The following ABCA13 variants were observed in gnomAD, a reference collection of about 807,000 sequenced individuals.
The protein encoded by ABCA13 is ATP binding cassette subfamily A member 13.
Under a neutral mutation model 478.7 loss-of-function variants are expected in ABCA13, and 476 were observed. That is an observed-to-expected ratio of 0.99 (90% CI 0.92 to 1.07). The LOEUF (loss-of-function observed/expected upper bound fraction) is 1.07. ABCA13 is among the 50% of genes least tolerant of loss of function. The pLI is 0.00. For missense variants in ABCA13, 6,060 were observed against 5,910.6 expected (o/e 1.03, Z -0.83); for synonymous variants, 2,252 against 2,158.9 (o/e 1.04, Z -1.20).
intron 24 of ABCA13, among the ~76,000 whole-genome samples, chr7:48,311,360 A>G (rs1311318826): frequency 6.6e-6 from 1 of 152,142 alleles, no homozygotes; most frequent in Non-Finnish European, 1.5e-5. Flanking sequence ...TTGCATCCCC[A>G]TAATTTGCAA....
chr7:48,570,225 C>A (rs1787478981), intron 55 of ABCA13, among the ~76,000 whole-genome samples: 1 of 149,716 alleles, frequency 6.7e-6, no homozygotes, highest in African/African-American at 2.5e-5. Context: ...TTTTTAGTAA[C>A]AATATTTTCT....
intron 31 of ABCA13, among the ~76,000 whole-genome samples, chr7:48,354,221 T>A (rs1198527596): frequency 6.6e-6 from 1 of 152,048 alleles, no homozygotes; most frequent in African/African-American, 2.4e-5. Context: ...AAGTATGCTA[T>A]GATCTCCACC....
At chr7:48,395,861 A>G (rs866674792) in intron 38 of ABCA13, among the ~76,000 whole-genome samples, 2 of 152,336 alleles carry the variant, frequency 1.3e-5, no homozygotes, top group Non-Finnish European at 2.9e-5. Context: ...TTAGTAGGTA[A>G]GCTTTTGGGG....
chr7:48,424,865 A>G (rs1178578599), intron 41 of ABCA13, among the ~76,000 whole-genome samples: 1 of 152,240 alleles, frequency 6.6e-6, no homozygotes, highest in Non-Finnish European at 1.5e-5. Flanking sequence ...TTTTGAAAAG[A>G]GTAACCTTTA....
Position 48,615,347 on chromosome 7 carries a change from G to T in ABCA13, c.14807G>T (p.Cys4936Phe). The part of the protein sequence containing the change: ...LAIMVNGSFK[C>F]LGSPQHIKNR... ...ATAATGGTTAACGGCAGCTTCAAAT[G>T]TCTTGGTTCTCCTCAGCACATCAAA... Residue 4936 changes from cysteine to phenylalanine, a missense_variant, in exon 59 of 62, where the codon TGT becomes TTT. Transcript: ENST00000435803. 1 of 1,576,308 alleles carries T rather than the reference G, an allele frequency of 6.3e-7. No homozygotes were observed. The highest frequency in any genetic ancestry group is 2.3e-5 in the East Asian group (1 of 43,352).
At chr7:48,183,019 T>C (rs544184156) in intron 1 of ABCA13, among the ~76,000 whole-genome samples, 5 of 152,260 alleles carry the variant, frequency 3.3e-5, no homozygotes, top group Non-Finnish European at 7.4e-5. Flanking sequence ...AGAGACACAA[T>C]AGAATTTCAT....
At chr7:48,440,762 T>A (rs1765814862) in intron 42 of ABCA13, among the ~76,000 whole-genome samples, 1 of 151,914 alleles carries the variant, frequency 6.6e-6, no homozygotes, top group Admixed American at 6.6e-5. Flanking sequence ...ATACATCTGT[T>A]TTAGAAACGA....
rs1442254059 is a variant in ABCA13 at position 48,234,312 on chromosome 7, C to G, written c.897+161C>G. On this transcript the variant is annotated intron_variant, in intron 8 of 61. Transcript: ENST00000435803. ...CTTACGCAGAAGAGACCCCTACTGT[C>G]TCCAGCTTTTCTAGAAGTGTCTCTT... The G allele has an allele frequency of 1.3e-4, 112 of 858,244 alleles. 1 individual carries two copies. The highest frequency in any genetic ancestry group is 9.6e-6 in the Non-Finnish European group (5 of 520,022). The allele number at this position is 858,244 out of a possible 1,614,324, so 53.2% of individuals were successfully genotyped here.
chr7:48,282,057 A>T (rs746536912), intron 19 of ABCA13, among the ~76,000 whole-genome samples: 1 of 152,180 alleles, frequency 6.6e-6, no homozygotes, highest in Non-Finnish European at 1.5e-5. Flanking sequence ...TGGGAACAGG[A>T]TCAGTCTCTT....
intron 1 of ABCA13, among the ~76,000 whole-genome samples, chr7:48,190,789 A>C (rs1434005903): frequency 1.3e-5 from 2 of 152,214 alleles, no homozygotes; most frequent in East Asian, 1.9e-4. Flanking sequence ...TTAGTTATAC[A>C]TATACATGTA....
intron 19 of ABCA13, among the ~76,000 whole-genome samples, chr7:48,287,275 C>A (rs937155902): frequency 6.6e-6 from 1 of 152,196 alleles, no homozygotes; most frequent in African/African-American, 2.4e-5. Context: ...GGAGCCTTTG[C>A]ACAGATTCCT....
intron 35 of ABCA13, among the ~76,000 whole-genome samples, chr7:48,385,137 A>ATTTAT (rs1814980967): frequency 6.6e-6 from 1 of 152,130 alleles, no homozygotes; most frequent in Admixed American, 6.5e-5. Flanking sequence ...CACTTTATGT[A>ATTTAT]TTTATTTTTT....
intron 37 of ABCA13, among the ~76,000 whole-genome samples, chr7:48,391,322 A>G (rs1400224632): frequency 1.3e-5 from 2 of 152,264 alleles, no homozygotes; most frequent in East Asian, 1.9e-4. Flanking sequence ...CCATACAACT[A>G]TAATGCTCTA....
At chr7:48,315,495 T>C (rs576229915) in intron 26 of ABCA13, among the ~76,000 whole-genome samples, 36 of 152,204 alleles carry the variant, frequency 2.4e-4, no homozygotes, top group African/African-American at 8.7e-4. Flanking sequence ...TTTTTTTTTT[T>C]TTGAGACGGA....
rs2128994087 is a variant in ABCA13, at chr7:48,356,341, T to G, written c.10688+3854T>G. Reference sequence around the variant, plus strand: ...GAGAGTGAACTCAGACAGCTCTCAATGGGAAGAAATGGGAGGTGACTTCTT... The same window carrying G: ...GAGAGTGAACTCAGACAGCTCTCAAGGGGAAGAAATGGGAGGTGACTTCTT... On this transcript the variant is annotated intron_variant, in intron 31 of 61. Coordinates refer to ENST00000435803, the MANE Select transcript of ABCA13 (RefSeq NM_152701.5). 2.6e-5 allele frequency among the ~76,000 whole-genome samples: 4 copies of G among 151,256 alleles called. No individual in the cohort carries two copies. The Middle Eastern group carries it at 0.014, about 522-fold the overall frequency.
intron 5 of ABCA13, among the ~76,000 whole-genome samples, chr7:48,223,357 A>G (rs549196006): frequency 7.9e-5 from 12 of 152,282 alleles, no homozygotes; most frequent in East Asian, 3.9e-4. Context: ...TGAGACTTCA[A>G]GGTCATCAAG....
At chr7:48,377,144 T>C (rs1454923131) in intron 35 of ABCA13, among the ~76,000 whole-genome samples, 1 of 146,990 alleles carries the variant, frequency 6.8e-6, no homozygotes, top group Non-Finnish European at 1.5e-5. Context: ...CCTTCTTCCC[T>C]GGTGTGGCAG....
rs1796638474 is a variant in ABCA13 at position 48,278,841 on chromosome 7, G to A, written c.7647G>A (p.Lys2549=). ...VFKTHFISNT[K]DSVKFFDTLY... Reference sequence around the variant, plus strand: ...AAACTCATTTTATCTCCAATACCAAGGACAGTGTGAAATTCTTTGACACTC... The same window carrying A: ...AAACTCATTTTATCTCCAATACCAAAGACAGTGTGAAATTCTTTGACACTC... Residue 2549 remains lysine, a synonymous_variant, in exon 18 of 62, where the codon AAG becomes AAA. Transcript: ENST00000435803. 12 of 1,613,500 alleles carry A rather than the reference G, an allele frequency of 7.4e-6. No homozygotes were observed. Among genetic ancestry groups the A allele is most frequent in the Non-Finnish European group, 1.0e-5 (12 of 1,179,878 alleles).
At chr7:48,417,269 G>A (rs542803417) in intron 41 of ABCA13, among the ~76,000 whole-genome samples, 1 of 152,234 alleles carries the variant, frequency 6.6e-6, no homozygotes, top group Non-Finnish European at 1.5e-5. Flanking sequence ...ATGCATTTGT[G>A]TCCTAGATGC....
Sources: allele counts gnomAD v4.1 joint callset (sites outside exome capture counted in the v4.1 genomes callset), GRCh38; gene constraint gnomAD v4.1.1; transcripts MANE v1.5; gene names NCBI Gene and HGNC (gene_info 2026-07-23, HGNC 2026-07-21).